Variants in SLC7A9 observed in about 807,000 individuals in gnomAD.
SLC7A9 encodes B(0,+)-type amino acid transporter 1.
SLC7A9 carries 38 observed loss-of-function variants against 54.1 expected under a neutral mutation model. The observed-to-expected ratio is 0.70, with a 90% CI of 0.54 to 0.92. SLC7A9 has a LOEUF of 0.92. SLC7A9 is among the 40% of genes least tolerant of loss of function. The probability of loss-of-function intolerance (pLI) is 0.00; values close to 1 mark genes in which losing one functional copy is unlikely to be tolerated. For synonymous variants in SLC7A9, 264 were observed against 258.9 expected, an observed-to-expected ratio of 1.02 and a Z score of -0.19; for missense variants, 537 against 636.1, an observed-to-expected ratio of 0.84 and a Z score of 1.68.
chr19:32,838,007 A>C (rs1232391948), intron 11 of SLC7A9, among the ~76,000 whole-genome samples: 1 of 152,186 alleles, frequency 6.6e-6, no homozygotes, highest in African/African-American at 2.4e-5. Flanking sequence ...ATTCTGAGGG[A>C]GATCTGCCAG....
chr19:32,851,515 G>GA, intron 9 of SLC7A9, among the ~76,000 whole-genome samples: 1 of 149,980 alleles, frequency 6.7e-6, no homozygotes, highest in African/African-American at 2.4e-5. Context: ...AAAAAGTCAG[G>GA]AAACAACAGG....
chr19:32,837,569 T>G (rs1599653250), intron 11 of SLC7A9, among the ~76,000 whole-genome samples: 1 of 149,716 alleles, frequency 6.7e-6, no homozygotes, highest in African/African-American at 2.5e-5. Flanking sequence ...ATAAATAACA[T>G]GTTACCCAAC....
At chr19:32,868,400 G>T in intron 2 of SLC7A9, 48 bp downstream of exon 2, 1 of 1,466,162 alleles carries the variant, frequency 6.8e-7, no homozygotes, top group Non-Finnish European at 9.6e-7. Flanking sequence ...TCGTTCAGAC[G>T]CCCTTGCCTA....
At chr19:32,830,761 G>T in intron 12 of SLC7A9, 77 bp from the exon 13 acceptor site, 1 of 1,177,976 alleles carries the variant, frequency 8.5e-7, no homozygotes, top group Non-Finnish European at 1.3e-6. Context: ...TGTGGGTGAG[G>T]GTGACATTGT....
chr19:32,857,204 G>C (rs955460898), intron 9 of SLC7A9, among the ~76,000 whole-genome samples: 1 of 152,068 alleles, frequency 6.6e-6, no homozygotes, highest in Admixed American at 6.6e-5. Context: ...CAGGGCTTTG[G>C]GAAGTGGAGG....
chr19:32,862,115 C>T lies in SLC7A9; in HGVS notation c.704+3G>A, dbSNP rs1470129949. On this transcript the variant is annotated splice_donor_region_variant and intron_variant, in intron 6 of 12. Coordinates refer to ENST00000023064, the MANE Select transcript of SLC7A9 (RefSeq NM_014270.5). ...AGACTCGGGACATCTCAGGACACCTCACCATCCATCATAGGCCCAGAGTCC... is the reference window on the plus strand; with the variant it reads ...AGACTCGGGACATCTCAGGACACCTTACCATCCATCATAGGCCCAGAGTCC... 2 of 1,600,224 alleles carry T rather than the reference C, an allele frequency of 1.2e-6. No individual in the cohort carries two copies. Among genetic ancestry groups the T allele is most frequent in the South Asian group, 2.2e-5 (2 of 90,848 alleles).
At chr19:32,860,781 G>A in intron 6 of SLC7A9, 131 bp from the exon 7 acceptor site, 4 of 1,317,026 alleles carry the variant, frequency 3.0e-6, no homozygotes, top group Non-Finnish European at 4.2e-6. Flanking sequence ...GGAATTCCAG[G>A]TGAATTTTTT....
intron 9 of SLC7A9, among the ~76,000 whole-genome samples, chr19:32,858,130 G>A (rs1968680195): frequency 6.6e-6 from 1 of 152,228 alleles, no homozygotes; most frequent in Non-Finnish European, 1.5e-5. Context: ...CATTCACGCG[G>A]TGTCGCTTCC....
chr19:32,862,346 A>T (rs1599684219), intron 5 of SLC7A9, 115 bp downstream of exon 5: 9 of 1,505,002 alleles, frequency 6.0e-6, no homozygotes, highest in Non-Finnish European at 8.3e-6. Flanking sequence ...GATCCCTCCC[A>T]CCGAGTTCCT....
At chr19:32,868,674 G>T in intron 1 of SLC7A9, 29 bp from the exon 2 acceptor site, 2 of 730,952 alleles carry the variant, frequency 2.7e-6, no homozygotes, top group Non-Finnish European at 2.5e-6. Flanking sequence ...GGTTATTGCT[G>T]CAGGTGGGGG....
chr19:32,830,734 A>C, intron 12 of SLC7A9, 50 bp from the exon 13 acceptor site: 1 of 1,447,806 alleles, frequency 6.9e-7, no homozygotes, highest in Non-Finnish European at 9.7e-7. Flanking sequence ...GAAATTCGAA[A>C]GTTTCACTGG....
intron 9 of SLC7A9, among the ~76,000 whole-genome samples, chr19:32,857,934 G>C (rs1202597582): frequency 6.6e-6 from 1 of 152,184 alleles, no homozygotes; most frequent in African/African-American, 2.4e-5. Context: ...TGCAGCCTGC[G>C]AGCCTGGAAT....
intron 8 of SLC7A9, 140 bp downstream of exon 8, chr19:32,859,701 G>GCCGTGCGTGCCCAGTCCATGTCC: frequency 1.3e-6 from 1 of 780,938 alleles, no homozygotes; most frequent in Non-Finnish European, 2.2e-6. Flanking sequence ...CCAGCTCCAT[G>GCCGTGCGTGCCCAGTCCATGTCC]CCGTGCGTGC....
At position 32,830,670 on chromosome 19, in the gene SLC7A9, G is replaced by A. The variant is rs767795699; in HGVS notation, c.1414C>T (p.His472Tyr). The A allele has an allele frequency of 2.5e-6, 4 of 1,613,942 alleles. No individual in the cohort carries two copies. The highest frequency in any genetic ancestry group is 3.3e-5 in the Admixed American group (2 of 60,014). Residue 472 changes from histidine (H) to tyrosine (Y), a missense_variant, in exon 13 of 13, where the codon CAC becomes TAC. Transcript: ENST00000023064. Reference protein sequence around the residue: ...AQKISKPITMHLQMLMEVVPP... With the variant: ...AQKISKPITMYLQMLMEVVPP... ...ACCACTTCCATTAGCATCTGAAGGTGCATGGTAATCGGCTCTGAAATAAGA... is the reference window on the plus strand; with the variant it reads ...ACCACTTCCATTAGCATCTGAAGGTACATGGTAATCGGCTCTGAAATAAGA...
chr19:32,842,574 T>C (rs532252805), intron 10 of SLC7A9, among the ~76,000 whole-genome samples: 1 of 150,214 alleles, frequency 6.7e-6, no homozygotes, highest in African/African-American at 2.4e-5. Flanking sequence ...AATATTAGGT[T>C]GGTGCAAAAG....
intron 12 of SLC7A9, chr19:32,831,305 G>A (rs1258330626): frequency 6.5e-6 from 1 of 152,872 alleles, no homozygotes; most frequent in African/African-American, 2.4e-5. Context: ...TGTGTTTTTT[G>A]AGATGGACTC....
At chr19:32,854,590 G>T (rs576405114) in intron 9 of SLC7A9, among the ~76,000 whole-genome samples, 28 of 150,988 alleles carry the variant, frequency 1.9e-4, no homozygotes, top group East Asian at 1.7e-3. Context: ...ATGATTTTTT[G>T]TTGTTGTTGT....
intron 10 of SLC7A9, among the ~76,000 whole-genome samples, chr19:32,843,521 C>A (rs987981982): frequency 7.9e-5 from 12 of 152,124 alleles, no homozygotes; most frequent in Non-Finnish European, 1.5e-4. Context: ...ATCATTAGAG[C>A]ATAATGAGAG....
At chr19:32,864,409 C>G in intron 3 of SLC7A9, 71 bp from the exon 4 acceptor site, 1 of 1,602,214 alleles carries the variant, frequency 6.2e-7, no homozygotes, top group East Asian at 2.2e-5. Context: ...AGCCTTCCTC[C>G]CACCGGAGGC....
Sources: gnomAD v4.1 joint callset for allele counts (sites outside exome capture counted in the v4.1 genomes callset) on GRCh38, gnomAD v4.1.1 for gene constraint, MANE v1.5 for transcripts, NCBI Gene and HGNC (gene_info 2026-07-23, HGNC 2026-07-21) for gene names.